The following EXOC7 variants were observed in gnomAD, a reference collection of about 807,000 sequenced individuals.
EXOC7 encodes exocyst complex component Exo70.
In EXOC7, 51 loss-of-function variants were observed where a neutral mutation model predicts 87.6. The ratio of observed to expected loss-of-function variants is 0.58; its 90% CI spans 0.46 to 0.73. The LOEUF (loss-of-function observed/expected upper bound fraction) is 0.73, where lower values mean the gene tolerates loss of function less well. Among genes scored for constraint, EXOC7 ranks in the 30% least tolerant of loss-of-function variants. The probability of loss-of-function intolerance (pLI) is 0.00; values close to 1 mark genes in which losing one functional copy is unlikely to be tolerated. For missense variants in EXOC7, 744 were observed against 888.4 expected (o/e 0.84, Z 2.07); for synonymous variants, 327 against 357.1 (o/e 0.92, Z 0.95).
rs1002050683 is a variant in EXOC7 at position 76,081,195 on chromosome 17, C to T, written c.*2453G>A. The T allele has an allele frequency of 2.5e-6, 4 of 1,577,070 alleles. No homozygotes were observed. The South Asian group carries it at 3.5e-5, about 14-fold the overall frequency. On this transcript the variant is annotated 3_prime_UTR_variant, in exon 19 of 19. Transcript: ENST00000589210. Reference sequence around the variant, plus strand: ...AAAAGCCATCAAAAGTCTCCATCACCCCTGGGCTCCAGTCTGCTACCCCCA... The same window carrying T: ...AAAAGCCATCAAAAGTCTCCATCACTCCTGGGCTCCAGTCTGCTACCCCCA...
In EXOC7 at chr17:76,085,688, C is replaced by T; in HGVS notation, c.1605G>A (p.Lys535=). The stretch of plus-strand genomic sequence containing the variant: ...CGCAGGCCACTTACTTCTCCAGGGA[C>T]TTGAGGATGTAATTGTAGTTGTTGT... The part of the protein sequence containing the change: ...FLHNNYNYIL[K]SLEKSELIQL... The change falls in exon 14 of 19, where the codon AAG becomes AAA. Residue 535 remains lysine, a synonymous_variant. Coordinates refer to ENST00000589210, the MANE Select transcript of EXOC7 (RefSeq NM_001013839.4). The T allele has an allele frequency of 1.2e-6, 2 of 1,614,118 alleles. No individual in the cohort carries two copies. Among genetic ancestry groups the T allele is most frequent in the South Asian group, 1.1e-5 (1 of 91,084 alleles).
intron 4 of EXOC7, chr17:76,101,017 G>C: frequency 1.9e-6 from 1 of 522,916 alleles, no homozygotes; most frequent in Non-Finnish European, 2.6e-6. Context: ...CAAATCAAAT[G>C]TTAAGTTTAT....
chr17:76,098,315 T>A (rs1377329747), intron 4 of EXOC7, among the ~76,000 whole-genome samples: 5 of 151,872 alleles, frequency 3.3e-5, no homozygotes, highest in Non-Finnish European at 7.4e-5. Context: ...TTTTGTATTT[T>A]TAGTAGAGAC....
chr17:76,087,816 C>T, intron 11 of EXOC7, 96 bp from the exon 12 acceptor site: 1 of 1,355,162 alleles, frequency 7.4e-7, no homozygotes, highest in East Asian at 2.5e-5. Context: ...CAGCCCAGGG[C>T]TGGGATCCGC....
intron 7 of EXOC7, 191 bp downstream of exon 7, chr17:76,090,952 G>A: frequency 1.6e-6 from 1 of 625,366 alleles, no homozygotes. Context: ...ATCAGCCAGA[G>A]AGGACCAGGC....
chr17:76,094,036 A>G (rs897832667), intron 6 of EXOC7: 7 of 170,766 alleles, frequency 4.1e-5, no homozygotes, highest in African/African-American at 1.7e-4. Flanking sequence ...TGAAGGTTGG[A>G]GCACCTATCC....
chr17:76,081,136 A>G lies in EXOC7; in HGVS notation c.*2512T>C. 8.3e-7 allele frequency: 1 copy of G among 1,204,364 alleles called. No individual in the cohort carries two copies. Among genetic ancestry groups the G allele is most frequent in the Non-Finnish European group, 1.2e-6 (1 of 853,318 alleles). 74.6% of individuals were successfully genotyped at this position (1,204,364 alleles called of 1,614,324 possible). ...AAAACAAGGTTTGGGAAGCCCTTCT[A>G]TGGATCGGTTTTGTGTCCAAGTCTG... On this transcript the variant is annotated 3_prime_UTR_variant, in exon 19 of 19. Transcript: ENST00000589210.
At chr17:76,085,874 GCTC>G in intron 13 of EXOC7, 77 bp from the exon 14 acceptor site, 1 of 1,566,362 alleles carries the variant, frequency 6.4e-7, no homozygotes, top group Non-Finnish European at 8.7e-7. Flanking sequence ...CCGCGAACGC[GCTC>G]CTATCCATCG....
chr17:76,088,013 G>C, intron 11 of EXOC7, 47 bp downstream of exon 11: 1 of 1,606,466 alleles, frequency 6.2e-7, no homozygotes, highest in Non-Finnish European at 8.5e-7. Flanking sequence ...GCCTGGGCCT[G>C]GGCCCTCCTT....
At chr17:76,101,172 T>C (rs759779183) in intron 4 of EXOC7, 99 bp downstream of exon 4, 1 of 1,601,474 alleles carries the variant, frequency 6.2e-7, no homozygotes, top group South Asian at 1.1e-5. Flanking sequence ...TTCTGTGTAT[T>C]CTACTGCATA....
At chr17:76,084,820 T>C (rs2067138374) in intron 15 of EXOC7, 1 of 566,532 alleles carries the variant, frequency 1.8e-6, no homozygotes, top group Non-Finnish European at 3.2e-6. Context: ...CTGTCAACTA[T>C]ACTTCACATC....
rs1051331567 is a variant in EXOC7, at chr17:76,090,539, C to A, written c.901+604G>T. On this transcript the variant is annotated intron_variant, in intron 7 of 18. Coordinates refer to ENST00000589210, the MANE Select transcript of EXOC7 (RefSeq NM_001013839.4). ...ATGGGGAAGGGGGCATCGGAGAGGG[C>A]CCTGAGCCCCTCCTCTACCTCAAGC... The A allele has an allele frequency of 5.3e-6, 8 of 1,500,720 alleles. No homozygotes were observed. The African/African-American group carries it at 1.1e-4, about 21-fold the overall frequency. 93.0% of individuals were successfully genotyped at this position (1,500,720 alleles called of 1,614,324 possible).
chr17:76,103,707 C>T lies in EXOC7; in HGVS notation c.-15G>A, dbSNP rs752163892. 14 of 1,599,764 alleles carry T rather than the reference C, an allele frequency of 8.8e-6. No homozygotes were observed. The highest frequency in any genetic ancestry group is 2.3e-5 in the East Asian group (1 of 43,874). ...GGGGGAATCATCGCTCTGAACCCCG[C>T]GGCTCCCACTCCCCAGTATCTTTCC... is the stretch of plus-strand genomic sequence containing the variant. On this transcript the variant is annotated 5_prime_UTR_variant, in exon 1 of 19. Coordinates refer to ENST00000589210, the MANE Select transcript of EXOC7 (RefSeq NM_001013839.4).
At chr17:76,084,873 A>C (rs1328382090) in intron 15 of EXOC7, among the ~76,000 whole-genome samples, 1 of 152,242 alleles carries the variant, frequency 6.6e-6, no homozygotes, top group Non-Finnish European at 1.5e-5. Context: ...TGAGAAAGAA[A>C]GGAGTGGAGG....
chr17:76,101,421 A>C (rs2068055415), intron 3 of EXOC7, 45 bp from the exon 4 acceptor site: 6 of 1,610,312 alleles, frequency 3.7e-6, no homozygotes, highest in Non-Finnish European at 4.2e-6. Flanking sequence ...TGGGGGATGA[A>C]GAAGGACTAA....
Position 76,082,780 on chromosome 17 carries a change from C to T in EXOC7, c.*868G>A, listed in dbSNP as rs754194069. On this transcript the variant is annotated 3_prime_UTR_variant, in exon 19 of 19. Coordinates refer to ENST00000589210, the MANE Select transcript of EXOC7 (RefSeq NM_001013839.4). The stretch of plus-strand genomic sequence containing the variant: ...CCTCCGCTAGCACACAAGCACAGAG[C>T]GTGAAATAAACCCATCTCCAGTGCA... 1.7e-5 allele frequency: 16 copies of T among 928,740 alleles called. No homozygotes were observed. Among genetic ancestry groups the T allele is most frequent in the Admixed American group, 9.5e-5 (3 of 31,662 alleles). 57.5% of individuals were successfully genotyped at this position (928,740 alleles called of 1,614,324 possible).
Position 76,085,415 on chromosome 17 carries a change from T to A in EXOC7, c.1617-6A>T, listed in dbSNP as rs2067167499. 2 of 1,607,082 alleles carry A rather than the reference T, an allele frequency of 1.2e-6. No homozygotes were observed. The highest frequency in any genetic ancestry group is 4.5e-5 in the East Asian group (2 of 44,746). On this transcript the variant is annotated splice_polypyrimidine_tract_variant and splice_region_variant and intron_variant, in intron 14 of 18. Transcript: ENST00000589210. ...CCAGCTGGATCAGTTCAGACCTGGGTCGGGGTAGGGGACAGAGGAGAGGAG... is the reference window on the plus strand; with the variant it reads ...CCAGCTGGATCAGTTCAGACCTGGGACGGGGTAGGGGACAGAGGAGAGGAG...
Position 76,083,877 on chromosome 17 carries a change from A to G in EXOC7, c.1953-127T>C, listed in dbSNP as rs1260612885. The G allele has an allele frequency of 2.0e-6, 3 of 1,492,252 alleles. No individual in the cohort carries two copies. The African/African-American group carries it at 4.2e-5, about 21-fold the overall frequency. 92.4% of individuals were successfully genotyped at this position (1,492,252 alleles called of 1,614,324 possible). A position where few individuals can be genotyped will look rare whatever the true frequency, so the allele number is the denominator to read the frequency against. On this transcript the variant is annotated intron_variant, in intron 18 of 18. Coordinates refer to ENST00000589210, the MANE Select transcript of EXOC7 (RefSeq NM_001013839.4). ...GCGATTCCCTGTCTGGCCCCGCCCC[A>G]AAGCCCAGGTCGCTGGATCTGCTGC...
At chr17:76,101,166 G>A (rs774492977) in intron 4 of EXOC7, 105 bp downstream of exon 4, 1 of 1,593,828 alleles carries the variant, frequency 6.3e-7, no homozygotes. Context: ...ATATCCTTCT[G>A]TGTATTCTAC....
Sources: allele counts gnomAD v4.1 joint callset (sites outside exome capture counted in the v4.1 genomes callset), GRCh38; gene constraint gnomAD v4.1.1; transcripts MANE v1.5; gene names NCBI Gene and HGNC (gene_info 2026-07-23, HGNC 2026-07-21).